SMYD3: variants seen among roughly 807,000 people sequenced by gnomAD.
SMYD3 encodes the protein SET and MYND domain containing 3.
A neutral mutation model predicts 57.7 loss-of-function variants in SMYD3; 36 were observed. The observed-to-expected ratio is 0.62, with a 90% CI of 0.48 to 0.82. The LOEUF (loss-of-function observed/expected upper bound fraction) is 0.82. SMYD3 is among the 40% of genes least tolerant of loss of function. The pLI, the probability that SMYD3 is intolerant of heterozygous loss-of-function variation, is 0.00. For missense variants in SMYD3, 515 were observed against 538.8 expected, an observed-to-expected ratio of 0.96 and a Z score of 0.44; for synonymous variants, 211 against 195.0, an observed-to-expected ratio of 1.08 and a Z score of -0.68.
At chr1:246,356,934 C>A (rs1287453802) in intron 1 of SMYD3, among the ~76,000 whole-genome samples, 2 of 152,102 alleles carry the variant, frequency 1.3e-5, no homozygotes, top group Admixed American at 1.3e-4. Context: ...CAAATACAAG[C>A]TCAAAGAACA....
intron 5 of SMYD3, among the ~76,000 whole-genome samples, chr1:246,013,366 G>A (rs1392801752): frequency 6.6e-6 from 1 of 152,024 alleles, no homozygotes; most frequent in Non-Finnish European, 1.5e-5. Flanking sequence ...TTTTAGTAGG[G>A]ATGGGGCTTC....
rs2067595906 is a variant in SMYD3 at position 246,449,190 on chromosome 1, C to G, written c.164+57864G>C. Among the ~76,000 whole-genome samples the G allele has an allele frequency of 2.0e-5, 3 of 152,092 alleles. No individual in the cohort carries two copies. The South Asian group carries it at 6.2e-4, about 32-fold the overall frequency. ...GAGACTGCAATGAGCCATGATCACG[C>G]CCCTGCACTCCACGTGGTCAACAGA... On this transcript the variant is annotated intron_variant, in intron 1 of 11. Transcript: ENST00000490107.
At chr1:245,869,087 T>C (rs1490542671) in intron 8 of SMYD3, among the ~76,000 whole-genome samples, 2 of 152,118 alleles carry the variant, frequency 1.3e-5, no homozygotes, top group African/African-American at 2.4e-5. Flanking sequence ...CAGGACAAAG[T>C]TATTCAGGAA....
intron 5 of SMYD3, among the ~76,000 whole-genome samples, chr1:245,998,971 T>C (rs2058984634): frequency 6.6e-6 from 1 of 151,946 alleles, no homozygotes; most frequent in Non-Finnish European, 1.5e-5. Flanking sequence ...GCAAAACAGA[T>C]TGGTGGTGTC....
At chr1:245,776,036 T>G (rs2046575374) in intron 10 of SMYD3, among the ~76,000 whole-genome samples, 1 of 152,222 alleles carries the variant, frequency 6.6e-6, no homozygotes, top group Non-Finnish European at 1.5e-5. Context: ...TTATAGCATA[T>G]GTATCAGTAG....
At chr1:246,059,997 A>G (rs1175378487) in intron 5 of SMYD3, among the ~76,000 whole-genome samples, 1 of 152,152 alleles carries the variant, frequency 6.6e-6, no homozygotes, top group African/African-American at 2.4e-5. Flanking sequence ...TAAAAAAAAA[A>G]GTTGGCGGGG....
At position 245,915,527 on chromosome 1, in the gene SMYD3, T is replaced by A. The variant is rs1390495199; in HGVS notation, c.813+3A>T. 6 of 1,603,250 alleles carry A rather than the reference T, an allele frequency of 3.7e-6. No individual in the cohort carries two copies. The highest frequency in any genetic ancestry group is 1.3e-5 in the African/African-American group (1 of 74,676). On this transcript the variant is annotated splice_donor_region_variant and intron_variant, in intron 8 of 11. Coordinates refer to ENST00000490107, the MANE Select transcript of SMYD3 (RefSeq NM_001167740.2). The stretch of plus-strand genomic sequence containing the variant: ...TGTTTCAATCTGGTTCCATACTACA[T>A]ACCTTGTCCTGGGTTTGGCAACGGA...
chr1:246,351,732 G>A (rs1161035999), intron 2 of SMYD3, among the ~76,000 whole-genome samples: 2 of 152,308 alleles, frequency 1.3e-5, no homozygotes, highest in Non-Finnish European at 2.9e-5. Flanking sequence ...CTGAAAAACA[G>A]AAGTAGAAGC....
chr1:246,242,477 CT>C (rs2063630819), intron 5 of SMYD3, among the ~76,000 whole-genome samples: 1 of 152,120 alleles, frequency 6.6e-6, no homozygotes, highest in Non-Finnish European at 1.5e-5. Flanking sequence ...AATTTATGTT[CT>C]TTTATATTTG....
intron 5 of SMYD3, among the ~76,000 whole-genome samples, chr1:246,076,984 T>A (rs916595963): frequency 1.3e-5 from 2 of 152,150 alleles, no homozygotes; most frequent in African/African-American, 4.8e-5. Flanking sequence ...AGTTGGAGAA[T>A]CAGGAAAAGT....
At chr1:246,352,539 C>A (rs1270368062) in intron 2 of SMYD3, among the ~76,000 whole-genome samples, 1 of 152,180 alleles carries the variant, frequency 6.6e-6, no homozygotes, top group Non-Finnish European at 1.5e-5. Context: ...TCTGGCCAAT[C>A]TTTAACTCCC....
chr1:246,013,583 G>GT (rs1370235202), intron 5 of SMYD3, among the ~76,000 whole-genome samples: 1 of 152,090 alleles, frequency 6.6e-6, no homozygotes, highest in African/African-American at 2.4e-5. Flanking sequence ...AATCTGTGGT[G>GT]TTTTTTTAAA....
intron 11 of SMYD3, among the ~76,000 whole-genome samples, chr1:245,753,515 C>T (rs1264066926): frequency 2.0e-5 from 3 of 152,194 alleles, no homozygotes; most frequent in African/African-American, 4.8e-5. Flanking sequence ...GACATCTGGT[C>T]CTTGTCTTGA....
At chr1:246,131,690 A>T (rs1480557674) in intron 5 of SMYD3, among the ~76,000 whole-genome samples, 1 of 152,176 alleles carries the variant, frequency 6.6e-6, no homozygotes, top group African/African-American at 2.4e-5. Context: ...TTGTTTCTTT[A>T]AAAAGGTGAG....
chr1:246,463,170 G>C (rs1202402373), intron 1 of SMYD3, among the ~76,000 whole-genome samples: 1 of 151,918 alleles, frequency 6.6e-6, no homozygotes, highest in Non-Finnish European at 1.5e-5. Context: ...AGGGTAGGAG[G>C]GGAACAAGAA....
At chr1:246,245,070 C>A (rs1458685215) in intron 5 of SMYD3, among the ~76,000 whole-genome samples, 2 of 150,296 alleles carry the variant, frequency 1.3e-5, no homozygotes, top group South Asian at 2.1e-4. Flanking sequence ...GCTAAATAGA[C>A]CAAGAACCTG....
chr1:246,150,019 G>A (rs12404559), intron 5 of SMYD3, among the ~76,000 whole-genome samples: 36,538 of 152,064 alleles, frequency 0.24, 5,322 homozygotes, highest in African/African-American at 0.4. Flanking sequence ...TTTTGCATCC[G>A]CAGCTATAGA....
At chr1:246,174,236 C>T (rs941839734) in intron 5 of SMYD3, among the ~76,000 whole-genome samples, 1 of 152,184 alleles carries the variant, frequency 6.6e-6, no homozygotes, top group African/African-American at 2.4e-5. Flanking sequence ...CACAGAATTA[C>T]ATGTGCTACA....
rs1442633679 is a variant in SMYD3 at position 246,331,019 on chromosome 1, C to CA, written c.337-483dup. On this transcript the variant is annotated intron_variant, in intron 3 of 11. Coordinates refer to ENST00000490107, the MANE Select transcript of SMYD3 (RefSeq NM_001167740.2). Reference sequence around the variant, plus strand: ...GCATGGTGGCATGCACCTGTAGTCCCAGCTACTCAGCAGGCCGAGGAGGGA... The same window carrying CA: ...GCATGGTGGCATGCACCTGTAGTCCCAAGCTACTCAGCAGGCCGAGGAGGGA... 5.3e-5 allele frequency among the ~76,000 whole-genome samples: 8 copies of CA among 152,272 alleles called. 2 individuals are homozygous for CA. The East Asian group carries it at 1.5e-3, about 29-fold the overall frequency.
Sources: allele counts gnomAD v4.1 joint callset (sites outside exome capture counted in the v4.1 genomes callset), GRCh38; gene constraint gnomAD v4.1.1; transcripts MANE v1.5; gene names NCBI Gene and HGNC (gene_info 2026-07-23, HGNC 2026-07-21).